SNRNP48: variants seen among roughly 807,000 people sequenced by gnomAD.
The protein encoded by SNRNP48 is small nuclear ribonucleoprotein U11/U12 subunit 48.
SNRNP48 carries 43 observed loss-of-function variants against 47.0 expected under a neutral mutation model. The ratio of observed to expected loss-of-function variants is 0.92; its 90% CI spans 0.72 to 1.18. The LOEUF (loss-of-function observed/expected upper bound fraction) is 1.18, where lower values mean the gene tolerates loss of function less well. SNRNP48 is among the 50% of genes most tolerant of loss of function. SNRNP48 has a pLI of 0.00. For missense variants in SNRNP48, 396 were observed against 422.2 expected (o/e 0.94, Z 0.54); for synonymous variants, 138 against 144.0 (o/e 0.96, Z 0.30).
chr6:7,607,247 G>T (rs561834042), intron 8 of SNRNP48, among the ~76,000 whole-genome samples: 1 of 152,200 alleles, frequency 6.6e-6, no homozygotes, highest in Non-Finnish European at 1.5e-5. Context: ...GAGCCTGAGA[G>T]GTTGAGGCTG....
intron 8 of SNRNP48, among the ~76,000 whole-genome samples, chr6:7,608,373 A>G (rs1056198022): frequency 4.6e-5 from 7 of 152,156 alleles, no homozygotes; most frequent in Admixed American, 1.3e-4. Context: ...CCTGGTCAAC[A>G]TGGTGAAACC....
At position 7,609,804 on chromosome 6, in the gene SNRNP48, G is replaced by T. The variant is rs1025717486; in HGVS notation, c.*931G>T. On this transcript the variant is annotated 3_prime_UTR_variant, in exon 9 of 9. Coordinates refer to ENST00000342415, the MANE Select transcript of SNRNP48 (RefSeq NM_152551.4). ...CTTAGATTTATTGCACCCTTTTTACGTGTGTATTTTATTGGGTTTTGACAG... is the reference window on the plus strand; with the variant it reads ...CTTAGATTTATTGCACCCTTTTTACTTGTGTATTTTATTGGGTTTTGACAG... The T allele has an allele frequency of 1.3e-5, 2 of 151,994 alleles. No homozygotes were observed. The highest frequency in any genetic ancestry group is 2.1e-4 in the South Asian group (1 of 4,822). 9.4% of individuals were successfully genotyped at this position (151,994 alleles called of 1,614,324 possible).
chr6:7,608,222 G>GT lies in SNRNP48; in HGVS notation c.972-592dup, dbSNP rs564361195. Among the ~76,000 whole-genome samples, 287 of 146,442 alleles carry GT rather than the reference G, an allele frequency of 2.0e-3. 3 individuals carry two copies. The highest frequency in any genetic ancestry group is 5.3e-3 in the African/African-American group (212 of 40,088). On this transcript the variant is annotated intron_variant, in intron 8 of 8. Coordinates refer to ENST00000342415, the MANE Select transcript of SNRNP48 (RefSeq NM_152551.4). ...TAAAACATTCATTTCGAATTAAAGT[G>GT]TTTTTTTTTTTAAGAGTATGTATGA...
chr6:7,607,127 G>C (rs1003134630), intron 8 of SNRNP48, among the ~76,000 whole-genome samples: 1 of 152,156 alleles, frequency 6.6e-6, no homozygotes, highest in African/African-American at 2.4e-5. Context: ...AGGCCAGCCC[G>C]GGCAACCTGG....
At chr6:7,594,778 A>C (rs1319243958) in intron 3 of SNRNP48, among the ~76,000 whole-genome samples, 3 of 152,162 alleles carry the variant, frequency 2.0e-5, no homozygotes, top group Non-Finnish European at 4.4e-5. Flanking sequence ...GGTCAGTAAA[A>C]TTTGTCGCTG....
rs1339373957 is a variant in SNRNP48, at chr6:7,606,155, G to A, written c.931G>A (p.Asp311Asn). 3 of 1,613,448 alleles carry A rather than the reference G, an allele frequency of 1.9e-6. No homozygotes were observed. Among genetic ancestry groups the A allele is most frequent in the Admixed American group, 1.7e-5 (1 of 59,856 alleles). ...RSPHKRKRNK[D>N]KDKNCESRRR... ...CCCACATAAAAGAAAAAGAAACAAA[G>A]ATAAGGATAAAAACTGTGAGTCGAG... The change falls in exon 8 of 9, where the codon GAT becomes AAT. Residue 311 changes from aspartate (D) to asparagine (N), a missense_variant. Transcript: ENST00000342415.
Position 7,590,286 on chromosome 6 carries a change from A to AGCG in SNRNP48, c.38_40dup (p.Arg13dup). 1 of 1,373,126 alleles carries AGCG rather than the reference A, an allele frequency of 7.3e-7. No individual in the cohort carries two copies. The allele number at this position is 1,373,126 out of a possible 1,614,324, so 85.1% of individuals were successfully genotyped here. A position where few individuals can be genotyped will look rare whatever the true frequency, so the allele number is the denominator to read the frequency against. ...GAGGGCGAGCCTCCACCTGTGGAGGAGCGGCGGCGGCTGCAGGAGGAGCTG... is the reference window on the plus strand; with the variant it reads ...GAGGGCGAGCCTCCACCTGTGGAGGAGCGGCGGCGGCGGCTGCAGGAGGAGCTG... On this transcript the variant is annotated inframe_insertion, in exon 1 of 9. Transcript: ENST00000342415.
At chr6:7,598,117 T>G (rs1759940614) in intron 4 of SNRNP48, among the ~76,000 whole-genome samples, 2 of 151,534 alleles carry the variant, frequency 1.3e-5, no homozygotes, top group African/African-American at 4.8e-5. Flanking sequence ...TCTGCCCACC[T>G]TGGCCTCCCA....
At chr6:7,607,391 T>G (rs1760147185) in intron 8 of SNRNP48, among the ~76,000 whole-genome samples, 2 of 152,336 alleles carry the variant, frequency 1.3e-5, no homozygotes, top group African/African-American at 4.8e-5. Flanking sequence ...GGATCCTGGC[T>G]CCTACCTACT....
At chr6:7,596,049 A>C (rs1204842241) in intron 4 of SNRNP48, among the ~76,000 whole-genome samples, 1 of 152,194 alleles carries the variant, frequency 6.6e-6, no homozygotes, top group African/African-American at 2.4e-5. Context: ...GGATCATCTG[A>C]GGTCAGAAGT....
intron 1 of SNRNP48, among the ~76,000 whole-genome samples, chr6:7,591,603 G>A (rs1483661653): frequency 6.6e-6 from 1 of 152,184 alleles, no homozygotes; most frequent in East Asian, 1.9e-4. Flanking sequence ...GAATTCCACT[G>A]AGTGGGGCTT....
chr6:7,608,761 T>C, intron 8 of SNRNP48, 64 bp from the exon 9 acceptor site: 1 of 980,974 alleles, frequency 1.0e-6, no homozygotes, highest in South Asian at 2.0e-5. Context: ...TTGAATTATT[T>C]TAAAGCTCTG....
intron 8 of SNRNP48, among the ~76,000 whole-genome samples, chr6:7,607,283 A>C (rs1383431816): frequency 6.6e-6 from 1 of 152,064 alleles, no homozygotes; most frequent in Non-Finnish European, 1.5e-5. Context: ...TCACCCCTGC[A>C]CTCCAGCCTG....
At chr6:7,598,911 A>T (rs1030051721) in intron 4 of SNRNP48, among the ~76,000 whole-genome samples, 1 of 152,196 alleles carries the variant, frequency 6.6e-6, no homozygotes, top group Non-Finnish European at 1.5e-5. Flanking sequence ...ATCATAAACA[A>T]TCATTTTATG....
At chr6:7,599,994 C>G (rs1251500684) in intron 4 of SNRNP48, 10 of 993,946 alleles carry the variant, frequency 1.0e-5, no homozygotes, top group African/African-American at 1.7e-5. Flanking sequence ...TCATTATTTT[C>G]TAATCTGTGT....
intron 1 of SNRNP48, among the ~76,000 whole-genome samples, chr6:7,593,186 A>G (rs963118106): frequency 6.6e-6 from 1 of 152,074 alleles, no homozygotes; most frequent in Non-Finnish European, 1.5e-5. Flanking sequence ...GGTTATATTA[A>G]TACTTACATG....
At chr6:7,592,824 A>G (rs1759842175) in intron 1 of SNRNP48, among the ~76,000 whole-genome samples, 1 of 151,918 alleles carries the variant, frequency 6.6e-6, no homozygotes, top group African/African-American at 2.4e-5. Flanking sequence ...GAGTTGGGGA[A>G]GTGGCAGTGG....
At chr6:7,607,806 A>G (rs1760160642) in intron 8 of SNRNP48, among the ~76,000 whole-genome samples, 1 of 152,234 alleles carries the variant, frequency 6.6e-6, no homozygotes, top group African/African-American at 2.4e-5. Flanking sequence ...CTCCAGGGCC[A>G]CTGGTAATCA....
intron 2 of SNRNP48, 54 bp downstream of exon 2, chr6:7,593,901 T>A (rs1759860966): frequency 2.3e-6 from 3 of 1,316,878 alleles, no homozygotes. Flanking sequence ...TTTTACACAT[T>A]AATTCACAAT....
Sources: gnomAD v4.1 joint callset for allele counts (sites outside exome capture counted in the v4.1 genomes callset) on GRCh38, gnomAD v4.1.1 for gene constraint, MANE v1.5 for transcripts, NCBI Gene and HGNC (gene_info 2026-07-23, HGNC 2026-07-21) for gene names.